DUOX1: variants seen among roughly 807,000 people sequenced by gnomAD.
DUOX1 encodes the protein dual oxidase 1.
DUOX1 carries 134 observed loss-of-function variants against 181.8 expected under a neutral mutation model. The ratio of observed to expected loss-of-function variants is 0.74; its 90% CI spans 0.64 to 0.85. The LOEUF (loss-of-function observed/expected upper bound fraction) is 0.85. Ranked by LOEUF, DUOX1 falls within the 40% of genes least tolerant of loss-of-function variation. DUOX1 has a pLI of 0.00. For missense variants in DUOX1, 1,814 were observed against 2,064.4 expected, an observed-to-expected ratio of 0.88 and a Z score of 2.35; for synonymous variants, 798 against 832.5, an observed-to-expected ratio of 0.96 and a Z score of 0.71.
rs780226181 is a variant in DUOX1 at position 45,135,594 on chromosome 15, C to A, written c.616C>A (p.Pro206Thr). ...QLASGPDPAF[P>T]RDSQNPLLMW... is the part of the protein sequence containing the mutation. ...GGCGTCGGGGCCCGACCCCGCTTTT[C>A]CCCGAGACTCGCAGAACCCCCTGCT... Residue 206 changes from proline (P) to threonine (T), a missense_variant, in exon 6 of 34, where the codon CCC becomes ACC. By Grantham distance (38) the Pro-to-Thr change is conservative. Around this residue, in one of 5 missense-constraint regions of DUOX1, gnomAD observed 320 missense variants for 313.1 expected, o/e 1.02. Coordinates refer to ENST00000389037, the MANE Select transcript of DUOX1 (RefSeq NM_175940.3). The A allele has an allele frequency of 4.0e-5, 63 of 1,564,518 alleles. No homozygotes were observed. The highest frequency in any genetic ancestry group is 4.9e-5 in the Non-Finnish European group (57 of 1,155,822).
At chr15:45,142,375 C>T (rs1197863073) in intron 15 of DUOX1, among the ~76,000 whole-genome samples, 1 of 152,164 alleles carries the variant, frequency 6.6e-6, no homozygotes, top group Non-Finnish European at 1.5e-5. Context: ...ATCTATAATC[C>T]ACAGCTTTTT....
At position 45,133,913 on chromosome 15, in the gene DUOX1, C is replaced by A. The variant is rs1013865936; in HGVS notation, c.108C>A (p.Tyr36Ter). Residue 36 changes from tyrosine to a stop codon, truncating the protein, a stop_gained, in exon 3 of 34, where the codon TAC becomes TAA. Transcript: ENST00000389037. LOFTEE classifies it high-confidence loss of function. ...AGGTGCAGCGATTTGATGGGTGGTA[C>A]AACAACCTCATGGAGCACAGATGGG... ...SWEVQRFDGWYNNLMEHRWGS... is the reference protein window; with the variant it reads ...SWEVQRFDGW 2 of 1,613,950 alleles carry A rather than the reference C, an allele frequency of 1.2e-6. No homozygotes were observed. Among genetic ancestry groups the A allele is most frequent in the Non-Finnish European group, 1.7e-6 (2 of 1,179,938 alleles).
chr15:45,138,689 T>G, intron 10 of DUOX1: 1 of 187,556 alleles, frequency 5.3e-6, no homozygotes, highest in Non-Finnish European at 1.1e-5. Flanking sequence ...AGAGTCCCTT[T>G]TTATTAAGGG....
intron 2 of DUOX1, among the ~76,000 whole-genome samples, chr15:45,133,613 C>T (rs1820293672): frequency 6.6e-6 from 1 of 152,188 alleles, no homozygotes; most frequent in East Asian, 1.9e-4. Flanking sequence ...TGTCAGCACA[C>T]TCTGCTCCCT....
At position 45,130,110 on chromosome 15, in the gene DUOX1, G is replaced by T. The variant is rs1247314818; in HGVS notation, c.-50+12G>T. 2.0e-5 allele frequency: 3 copies of T among 152,286 alleles called. No homozygotes were observed. The highest frequency in any genetic ancestry group is 2.0e-4 in the Admixed American group (3 of 15,288). The allele number at this position is 152,286 out of a possible 1,614,324, so 9.4% of individuals were successfully genotyped here. Reference sequence around the variant, plus strand: ...CGCCGTGGCCGCAGGTCAGATTTGGGAGGGCTTTTCCCGGCCCGCGGGCCT... The same window carrying T: ...CGCCGTGGCCGCAGGTCAGATTTGGTAGGGCTTTTCCCGGCCCGCGGGCCT... On this transcript the variant is annotated intron_variant, in intron 1 of 33. Transcript: ENST00000389037.
chr15:45,158,226 T>C (rs1300518358), intron 28 of DUOX1, among the ~76,000 whole-genome samples: 2 of 152,170 alleles, frequency 1.3e-5, no homozygotes, highest in Non-Finnish European at 2.9e-5. Flanking sequence ...TCAGCCTGTT[T>C]GGATGCTCAG....
At chr15:45,133,724 AC>A in intron 2 of DUOX1, 139 bp from the exon 3 acceptor site, 1 of 716,060 alleles carries the variant, frequency 1.4e-6, no homozygotes, top group African/African-American at 1.8e-5. Context: ...TTCCCTCTGC[AC>A]CCTACCTCTC....
intron 28 of DUOX1, among the ~76,000 whole-genome samples, chr15:45,157,935 C>G (rs192952669): frequency 1.3e-5 from 2 of 152,140 alleles, no homozygotes; most frequent in African/African-American, 4.8e-5. Flanking sequence ...AGAGCACCCT[C>G]TTTGTTCCCA....
intron 12 of DUOX1, 38 bp from the exon 13 acceptor site, chr15:45,140,857 G>A (rs769014782): frequency 1.1e-5 from 18 of 1,605,618 alleles, no homozygotes; most frequent in Admixed American, 8.4e-5. Context: ...GGTGGGTGCC[G>A]TGTCCTTTCT....
At chr15:45,145,429 TG>T (rs1896626168) in intron 18 of DUOX1, among the ~76,000 whole-genome samples, 1 of 152,194 alleles carries the variant, frequency 6.6e-6, no homozygotes, top group East Asian at 1.9e-4. Context: ...TAAGGGATAT[TG>T]TTCACCCCTT....
chr15:45,134,324 C>A lies in DUOX1; in HGVS notation c.307+15C>A. ...GGTCTTCTTTGGTGAGAACTTCAAC[C>A]TCTGGGGAAGGAAGCCGGTGGGGTC... On this transcript the variant is annotated intron_variant, in intron 4 of 33. Transcript: ENST00000389037. The A allele has an allele frequency of 6.3e-7, 1 of 1,583,056 alleles. No homozygotes were observed. The highest frequency in any genetic ancestry group is 8.6e-7 in the Non-Finnish European group (1 of 1,167,926).
At position 45,139,076 on chromosome 15, in the gene DUOX1, T is replaced by C. The variant is rs142033011; in HGVS notation, c.1124T>C (p.Leu375Pro). The change falls in exon 11 of 34, where the codon CTA becomes CCA. Residue 375 changes from leucine (L) to proline (P), a missense_variant. By Grantham distance (98) the Leu-to-Pro change is moderately conservative (BLOSUM62 -3). Transcript: ENST00000389037. ...CCCCAACCTATAAAGCACCCAAGCC[T>C]ACAAAGTGCTGAAGATGTGGATGCA... Reference protein sequence around the residue: ...NSYWSREHPSLQSAEDVDALL... With the variant: ...NSYWSREHPSPQSAEDVDALL... 3.1e-6 allele frequency: 5 copies of C among 1,613,700 alleles called. No homozygotes were observed. The African/African-American group carries it at 6.7e-5, about 22-fold the overall frequency.
intron 18 of DUOX1, among the ~76,000 whole-genome samples, chr15:45,147,095 T>G (rs1896672997): frequency 6.6e-6 from 1 of 152,218 alleles, no homozygotes; most frequent in African/African-American, 2.4e-5. Flanking sequence ...TGTCAGCCAA[T>G]GAGGCCACTC....
chr15:45,145,993 T>C (rs974230638), intron 18 of DUOX1, among the ~76,000 whole-genome samples: 3 of 151,678 alleles, frequency 2.0e-5, no homozygotes, highest in African/African-American at 7.3e-5. Flanking sequence ...AGATGGAACA[T>C]GCACAGAAAG....
intron 10 of DUOX1, 89 bp from the exon 11 acceptor site, chr15:45,138,977 G>A: frequency 8.3e-7 from 1 of 1,206,326 alleles, no homozygotes; most frequent in Non-Finnish European, 1.2e-6. Flanking sequence ...TGGGCTCAGG[G>A]ATAAGGATGA....
chr15:45,147,890 C>T lies in DUOX1; in HGVS notation c.2549-14C>T. 6.2e-7 allele frequency: 1 copy of T among 1,609,920 alleles called. No homozygotes were observed. Among genetic ancestry groups the T allele is most frequent in the Non-Finnish European group, 8.5e-7 (1 of 1,176,180 alleles). ...CAGGCGGGGGCTCTCCTTATGGAGT[C>T]CTCCCTCTCCCAGGCTCTCCTGAGG... is the stretch of plus-strand genomic sequence containing the variant. On this transcript the variant is annotated splice_polypyrimidine_tract_variant and intron_variant, in intron 19 of 33. Transcript: ENST00000389037.
At chr15:45,151,670 T>A (rs1896807089) in intron 23 of DUOX1, among the ~76,000 whole-genome samples, 1 of 152,064 alleles carries the variant, frequency 6.6e-6, no homozygotes, top group Admixed American at 6.5e-5. Context: ...CTCCAAGCCA[T>A]CCCTCCACTG....
chr15:45,138,080 G>A (rs1896380765), intron 10 of DUOX1, 66 bp downstream of exon 10: 3 of 786,468 alleles, frequency 3.8e-6, no homozygotes, highest in South Asian at 2.8e-5. Context: ...GTGTGTGTAT[G>A]TGTGTGTGTG....
chr15:45,144,106 T>C lies in DUOX1; in HGVS notation c.2007T>C (p.Arg669=), dbSNP rs757741180. The C allele has an allele frequency of 6.8e-6, 11 of 1,613,960 alleles. No homozygotes were observed. The highest frequency in any genetic ancestry group is 7.6e-6 in the Non-Finnish European group (9 of 1,180,020). The part of the protein sequence containing the change: ...VLVYLQPGQI[R]VVDGRLTVLR... ...TGTACCTGCAGCCCGGGCAGATCCG[T>C]GTGGTAGATGGCAGGCTCACCGTGC... The change falls in exon 17 of 34, where the codon CGT becomes CGC. Residue 669 remains arginine (R), a synonymous_variant. Coordinates refer to ENST00000389037, the MANE Select transcript of DUOX1 (RefSeq NM_175940.3).
Sources: gnomAD v4.1 joint callset for allele counts (sites outside exome capture counted in the v4.1 genomes callset) on GRCh38, gnomAD v4.1.1 for gene constraint, gnomAD v4.1.1 regional missense constraint, MANE v1.5 for transcripts, NCBI Gene and HGNC (gene_info 2026-07-23, HGNC 2026-07-21) for gene names.